Variants in BCAT1 observed in about 807,000 individuals in gnomAD.
The protein encoded by BCAT1 is branched chain amino acid transaminase 1.
In BCAT1, 48 loss-of-function variants were observed where a neutral mutation model predicts 52.4. That is an observed-to-expected ratio of 0.92 (90% CI 0.73 to 1.16). BCAT1 has a LOEUF of 1.16. BCAT1 is among the 50% of genes most tolerant of loss of function. The probability of loss-of-function intolerance (pLI) is 0.00; values close to 1 mark genes in which losing one functional copy is unlikely to be tolerated. For missense variants in BCAT1, 451 were observed against 457.1 expected, an observed-to-expected ratio of 0.99 and a Z score of 0.12; for synonymous variants, 167 against 161.3, an observed-to-expected ratio of 1.04 and a Z score of -0.27.
intron 5 of BCAT1, among the ~76,000 whole-genome samples, chr12:24,858,473 A>G (rs1249995244): frequency 6.6e-6 from 1 of 152,234 alleles, no homozygotes. Context: ...GAATGCTTCA[A>G]TGCCATAAAC....
intron 1 of BCAT1, among the ~76,000 whole-genome samples, chr12:24,937,996 G>A (rs987700584): frequency 2.0e-5 from 3 of 152,122 alleles, no homozygotes; most frequent in African/African-American, 7.2e-5. Context: ...GAAATTAAAG[G>A]GATTAAGATG....
In BCAT1 at chr12:24,816,013, G is replaced by A. The variant is rs545005998; in HGVS notation, c.*1995C>T. 1 of 152,450 alleles carries A rather than the reference G, an allele frequency of 6.6e-6. No individual in the cohort carries two copies. Among genetic ancestry groups the A allele is most frequent in the East Asian group, 1.9e-4 (1 of 5,172 alleles). 9.4% of individuals were successfully genotyped at this position (152,450 alleles called of 1,614,324 possible). A position where few individuals can be genotyped will look rare whatever the true frequency, so the allele number is the denominator to read the frequency against. The stretch of plus-strand genomic sequence containing the variant: ...AAGCACACCCTTAGAATGTTGCTCG[G>A]GGTACACAGTGCGCAGGCGACAGTC... On this transcript the variant is annotated 3_prime_UTR_variant, in exon 11 of 11. Coordinates refer to ENST00000261192, the MANE Select transcript of BCAT1 (RefSeq NM_005504.7).
At chr12:24,826,120 G>A (rs911703756) in intron 10 of BCAT1, among the ~76,000 whole-genome samples, 1 of 152,098 alleles carries the variant, frequency 6.6e-6, no homozygotes, top group Non-Finnish European at 1.5e-5. Flanking sequence ...GCCAAGGTGG[G>A]AGAATTGCTT....
At chr12:24,819,029 A>G (rs1423891256) in intron 10 of BCAT1, among the ~76,000 whole-genome samples, 2 of 152,170 alleles carry the variant, frequency 1.3e-5, no homozygotes, top group Non-Finnish European at 2.9e-5. Flanking sequence ...TACCATTATC[A>G]ATCCATTTTA....
chr12:24,863,947 C>G (rs1159909962), intron 5 of BCAT1, among the ~76,000 whole-genome samples: 1 of 151,856 alleles, frequency 6.6e-6, no homozygotes, highest in Non-Finnish European at 1.5e-5. Flanking sequence ...AAAAAAGAAG[C>G]CATGCTTTTA....
In BCAT1 at chr12:24,860,149, A is replaced by T. The variant is rs1941814764; in HGVS notation, c.511-10200T>A. The stretch of plus-strand genomic sequence containing the variant: ...GTCTTGTTTTGATCCTCTTTAAAAG[A>T]TGGTTTATAATCAGATAGAGGGCTC... On this transcript the variant is annotated intron_variant, in intron 5 of 10. Transcript: ENST00000261192. 2.0e-5 allele frequency among the ~76,000 whole-genome samples: 3 copies of T among 152,240 alleles called. No individual in the cohort carries two copies. The South Asian group carries it at 6.2e-4, about 31-fold the overall frequency.
chr12:24,911,049 A>G (rs7959036), intron 1 of BCAT1, among the ~76,000 whole-genome samples: 39,296 of 151,734 alleles, frequency 0.26, 5,480 homozygotes, highest in East Asian at 0.39. Context: ...GGTTGCAGTG[A>G]GCCAAGATCG....
chr12:24,919,562 A>G (rs905284514), intron 1 of BCAT1, among the ~76,000 whole-genome samples: 1 of 152,248 alleles, frequency 6.6e-6, no homozygotes, highest in African/African-American at 2.4e-5. Context: ...ACTGAACAGA[A>G]TATGTCATGG....
chr12:24,848,360 T>A (rs1941405926), intron 6 of BCAT1, among the ~76,000 whole-genome samples: 1 of 152,222 alleles, frequency 6.6e-6, no homozygotes. Flanking sequence ...ACAGTTTACA[T>A]TAGGGTTCAC....
chr12:24,922,289 C>A (rs914721108), intron 1 of BCAT1, among the ~76,000 whole-genome samples: 1 of 152,188 alleles, frequency 6.6e-6, no homozygotes, highest in African/African-American at 2.4e-5. Flanking sequence ...CTCAGTCCCC[C>A]AAGTAGCTGG....
intron 3 of BCAT1, among the ~76,000 whole-genome samples, chr12:24,886,517 G>A (rs774799196): frequency 6.6e-6 from 1 of 152,112 alleles, no homozygotes. Flanking sequence ...ACAAACTCAA[G>A]ACAATCACAC....
chr12:24,856,467 A>G (rs878899141), intron 5 of BCAT1, among the ~76,000 whole-genome samples: 1 of 152,186 alleles, frequency 6.6e-6, no homozygotes, highest in Admixed American at 6.5e-5. Context: ...TTAAAGAGGT[A>G]ATTAAACTTA....
chr12:24,876,807 G>C (rs533745896), intron 5 of BCAT1, among the ~76,000 whole-genome samples: 3 of 152,148 alleles, frequency 2.0e-5, no homozygotes, highest in Non-Finnish European at 4.4e-5. Context: ...TGTCGGAAGG[G>C]GCGGGAGGAG....
chr12:24,944,731 A>C (rs1202597350), intron 1 of BCAT1, among the ~76,000 whole-genome samples: 1 of 152,274 alleles, frequency 6.6e-6, no homozygotes, highest in African/African-American at 2.4e-5. Context: ...TTTTAGATTA[A>C]AGACTATTCT....
Position 24,816,704 on chromosome 12 carries a change from ATT to A in BCAT1, c.*1302_*1303del, listed in dbSNP as rs1939889066. On this transcript the variant is annotated 3_prime_UTR_variant, in exon 11 of 11. Coordinates refer to ENST00000261192, the MANE Select transcript of BCAT1 (RefSeq NM_005504.7). ...TCTCTCTAGAGCAGTGGTCCCCAAC[ATT>A]TTTGGCACCAGGGACCAGTTTTGTG... 1 of 396,006 alleles carries A rather than the reference ATT, an allele frequency of 2.5e-6. No homozygotes were observed. The highest frequency in any genetic ancestry group is 2.1e-5 in the African/African-American group (1 of 48,458). The allele number at this position is 396,006 out of a possible 1,614,324, so 24.5% of individuals were successfully genotyped here. A position where few individuals can be genotyped will look rare whatever the true frequency, so the allele number is the denominator to read the frequency against.
chr12:24,949,070 C>A lies in BCAT1; in HGVS notation c.-138G>T. The A allele has an allele frequency of 2.5e-6, 2 of 805,788 alleles. No homozygotes were observed. Among genetic ancestry groups the A allele is most frequent in the East Asian group, 2.8e-5 (1 of 35,262 alleles). 49.9% of individuals were successfully genotyped at this position (805,788 alleles called of 1,614,324 possible). ...GCAAGACCTGGGGCAGTGCCCGAGG[C>A]GGCGGCGAGTACACGTGGCGGGCTG... On this transcript the variant is annotated 5_prime_UTR_variant, in exon 1 of 11. Transcript: ENST00000261192.
chr12:24,836,908 G>GAGAAAGAAAGAA (rs201215375), intron 7 of BCAT1, among the ~76,000 whole-genome samples: 34 of 40,870 alleles, frequency 8.3e-4, no homozygotes, highest in East Asian at 2.3e-3. Context: ...AAAAGAAAGA[G>GAGAAAGAAAGAA]AGAAAGAAAG....
chr12:24,910,328 G>T (rs1943300483), intron 1 of BCAT1, among the ~76,000 whole-genome samples: 1 of 151,964 alleles, frequency 6.6e-6, no homozygotes, highest in South Asian at 2.1e-4. Context: ...AGTGAGCCGA[G>T]ATCATGCCGC....
intron 3 of BCAT1, among the ~76,000 whole-genome samples, chr12:24,886,747 A>G (rs1942671116): frequency 6.6e-6 from 1 of 151,244 alleles, no homozygotes; most frequent in African/African-American, 2.4e-5. Flanking sequence ...TGACTGAGCC[A>G]GCACTTTGGG....
Sources: gnomAD v4.1 joint callset for allele counts (sites outside exome capture counted in the v4.1 genomes callset) on GRCh38, gnomAD v4.1.1 for gene constraint, MANE v1.5 for transcripts, NCBI Gene and HGNC (gene_info 2026-07-23, HGNC 2026-07-21) for gene names.